Variants in PRKCA observed in about 807,000 individuals in gnomAD.
The protein encoded by PRKCA is protein kinase C alpha type.
Under a neutral mutation model 87.0 loss-of-function variants are expected in PRKCA, and 27 were observed. That is an observed-to-expected ratio of 0.31 (90% CI 0.23 to 0.43). The LOEUF (loss-of-function observed/expected upper bound fraction) is 0.43, where lower values mean the gene tolerates loss of function less well. Among genes scored for constraint, PRKCA ranks in the 20% least tolerant of loss-of-function variants. PRKCA has a pLI of 1.00. For synonymous variants in PRKCA, 329 were observed against 311.1 expected (o/e 1.06, Z -0.61); for missense variants, 518 against 852.3 (o/e 0.61, Z 4.88).
intron 2 of PRKCA, among the ~76,000 whole-genome samples, chr17:66,348,476 T>C (rs555971225): frequency 2.1e-4 from 32 of 152,138 alleles, no homozygotes; most frequent in Non-Finnish European, 4.7e-4. Context: ...AGTATTATCA[T>C]TAAAGTGGTT....
chr17:66,576,144 A>G (rs1182084973), intron 3 of PRKCA, among the ~76,000 whole-genome samples: 1 of 152,202 alleles, frequency 6.6e-6, no homozygotes, highest in Non-Finnish European at 1.5e-5. Flanking sequence ...ATATTCATCT[A>G]ATAACTGGAG....
intron 13 of PRKCA, among the ~76,000 whole-genome samples, chr17:66,756,662 G>C (rs1388229340): frequency 6.6e-6 from 1 of 151,886 alleles, no homozygotes; most frequent in East Asian, 1.9e-4. Flanking sequence ...TTTGGTTTTT[G>C]GGTTTTTTTT....
At position 66,496,378 on chromosome 17, in the gene PRKCA, G is replaced by A; in HGVS notation, c.288+95G>A. ...GCAACTGTTAGTTTTGGCACTTACT[G>A]TTAATGGGAAGACTCAATTCTCATA... On this transcript the variant is annotated intron_variant, in intron 3 of 16. Coordinates refer to ENST00000413366, the MANE Select transcript of PRKCA (RefSeq NM_002737.3). The A allele has an allele frequency of 4.8e-6, 5 of 1,039,250 alleles. No individual in the cohort carries two copies. The South Asian group carries it at 6.9e-5, about 14-fold the overall frequency. 64.4% of individuals were successfully genotyped at this position (1,039,250 alleles called of 1,614,324 possible). A position where few individuals can be genotyped will look rare whatever the true frequency, so the allele number is the denominator to read the frequency against.
intron 5 of PRKCA, among the ~76,000 whole-genome samples, chr17:66,671,209 CAAAAAAAA>C (rs778507190): frequency 4.1e-5 from 2 of 48,450 alleles, no homozygotes; most frequent in African/African-American, 9.1e-5. Flanking sequence ...AGACTCATCT[CAAAAAAAA>C]AAAAAAAAAA....
At chr17:66,733,082 C>T (rs181112385) in intron 9 of PRKCA, among the ~76,000 whole-genome samples, 1 of 144,884 alleles carries the variant, frequency 6.9e-6, no homozygotes, top group Non-Finnish European at 1.5e-5. Context: ...ACCTGGGAGG[C>T]GGAGCTTACA....
chr17:66,590,067 G>A (rs1969753716), intron 3 of PRKCA, among the ~76,000 whole-genome samples: 1 of 152,148 alleles, frequency 6.6e-6, no homozygotes, highest in Non-Finnish European at 1.5e-5. Flanking sequence ...GTTCCTAACA[G>A]GCCATGGACA....
At position 66,701,646 on chromosome 17, in the gene PRKCA, G is replaced by A. The variant is rs1973068156; in HGVS notation, c.918+12599G>A. Among the ~76,000 whole-genome samples the A allele has an allele frequency of 2.0e-5, 3 of 152,030 alleles. No individual in the cohort carries two copies. In the South Asian group the frequency reaches 6.2e-4, roughly 31 times the overall value. On this transcript the variant is annotated intron_variant, in intron 8 of 16. Transcript: ENST00000413366. The stretch of plus-strand genomic sequence containing the variant: ...AAAGAAAACCCACAGATTTTAAAAT[G>A]GGCAAAAGACCTGAATAGACATTTT...
chr17:66,396,266 A>G (rs745789306), intron 2 of PRKCA, among the ~76,000 whole-genome samples: 6 of 152,130 alleles, frequency 3.9e-5, no homozygotes, highest in Admixed American at 6.5e-5. Context: ...AGTTTTGGAA[A>G]ACATTAGAGT....
intron 3 of PRKCA, among the ~76,000 whole-genome samples, chr17:66,510,907 C>T (rs972514074): frequency 5.3e-5 from 8 of 152,006 alleles, no homozygotes; most frequent in African/African-American, 9.7e-5. Context: ...CCACCATGCC[C>T]GGCTAATTTT....
intron 3 of PRKCA, among the ~76,000 whole-genome samples, chr17:66,566,286 C>G (rs1181340892): frequency 1.3e-5 from 2 of 152,020 alleles, no homozygotes; most frequent in East Asian, 3.9e-4. Flanking sequence ...CTCAAAGTTC[C>G]CTTACTTTTT....
chr17:66,777,459 G>T (rs1598935382), intron 14 of PRKCA: 1 of 954,778 alleles, frequency 1.0e-6, no homozygotes, highest in East Asian at 1.3e-4. Context: ...TTCCTCTTAG[G>T]CCAAATACGT....
intron 3 of PRKCA, among the ~76,000 whole-genome samples, chr17:66,511,058 G>A (rs755128313): frequency 1.4e-5 from 2 of 145,820 alleles, no homozygotes; most frequent in Admixed American, 6.6e-5. Flanking sequence ...AATAGGTGAG[G>A]CATTTTTTTT....
intron 3 of PRKCA, among the ~76,000 whole-genome samples, chr17:66,576,143 T>G (rs1969231227): frequency 6.6e-6 from 1 of 152,150 alleles, no homozygotes; most frequent in Non-Finnish European, 1.5e-5. Flanking sequence ...AATATTCATC[T>G]AATAACTGGA....
intron 2 of PRKCA, among the ~76,000 whole-genome samples, chr17:66,322,060 T>A (rs568149328): frequency 6.6e-6 from 1 of 152,358 alleles, no homozygotes; most frequent in Non-Finnish European, 1.5e-5. Context: ...GTAATGTCAC[T>A]CTGGGTGAGG....
intron 2 of PRKCA, among the ~76,000 whole-genome samples, chr17:66,444,115 T>A (rs1490701224): frequency 1.3e-5 from 2 of 152,200 alleles, no homozygotes; most frequent in Non-Finnish European, 2.9e-5. Flanking sequence ...AGTACTGGTG[T>A]TAGCACAAAG....
At chr17:66,635,981 A>G (rs1391000659) in intron 3 of PRKCA, among the ~76,000 whole-genome samples, 6 of 152,092 alleles carry the variant, frequency 3.9e-5, no homozygotes, top group African/African-American at 1.4e-4. Context: ...AATTAAAGAG[A>G]TGATCTAGTC....
intron 2 of PRKCA, among the ~76,000 whole-genome samples, chr17:66,436,319 T>C (rs1913391533): frequency 6.6e-6 from 1 of 152,164 alleles, no homozygotes; most frequent in Non-Finnish European, 1.5e-5. Flanking sequence ...TCTGCAATCA[T>C]CTGGGTCAAA....
At chr17:66,475,679 AC>A (rs1915508547) in intron 2 of PRKCA, among the ~76,000 whole-genome samples, 1 of 152,160 alleles carries the variant, frequency 6.6e-6, no homozygotes, top group African/African-American at 2.4e-5. Flanking sequence ...TAATGCGGAT[AC>A]CTTTTATCTT....
chr17:66,775,758 G>A (rs61762774), intron 14 of PRKCA: 93 of 985,080 alleles, frequency 9.4e-5, no homozygotes, highest in Middle Eastern at 5.2e-4. Flanking sequence ...CACTCACCAC[G>A]TATTTATTCA....
Sources: allele counts gnomAD v4.1 joint callset (sites outside exome capture counted in the v4.1 genomes callset), GRCh38; gene constraint gnomAD v4.1.1; transcripts MANE v1.5; gene names NCBI Gene and HGNC (gene_info 2026-07-23, HGNC 2026-07-21).